Variants in CLEC4A observed in about 807,000 individuals in gnomAD.
CLEC4A encodes C-type (calcium dependent, carbohydrate-recognition domain) lectin, superfamily member 6.
Under a neutral mutation model 32.7 loss-of-function variants are expected in CLEC4A, and 27 were observed. That is an observed-to-expected ratio of 0.83 (90% confidence interval 0.61 to 1.14). The LOEUF is 1.14. Among genes scored for constraint, CLEC4A ranks in the 50% most tolerant of loss-of-function variants. The pLI, the probability that CLEC4A is intolerant of heterozygous loss-of-function variation, is 0.00. For missense variants in CLEC4A, 253 were observed against 274.6 expected (o/e 0.92, Z 0.55); for synonymous variants, 89 against 93.7 (o/e 0.95, Z 0.29).
At chr12:8,127,026 A>G (rs997033161) in intron 2 of CLEC4A, among the ~76,000 whole-genome samples, 3 of 152,244 alleles carry the variant, frequency 2.0e-5, no homozygotes, top group African/African-American at 7.2e-5. Context: ...TTAATAAGCC[A>G]ATCTAAAACT....
At chr12:8,134,974 T>TTTTTTTTTTTTGTA in intron 3 of CLEC4A, 1 of 199,916 alleles carries the variant, frequency 5.0e-6, no homozygotes, top group Non-Finnish European at 6.8e-6. Context: ...TGTTGAAGCG[T>TTTTTTTTTTTTGTA]TTTTGTTTTT....
the CLEC4A span, among the ~76,000 whole-genome samples, chr12:8,104,651 T>C: frequency 0.014 from 2,168 of 152,154 alleles, 59 homozygotes; most frequent in African/African-American, 0.049. Flanking sequence ...GTCATGGGGG[T>C]TGGATATACA....
At chr12:8,104,795 A>G in the CLEC4A span, among the ~76,000 whole-genome samples, 1 of 152,178 alleles carries the variant, frequency 6.6e-6, no homozygotes, top group Non-Finnish European at 1.5e-5. Context: ...TGCAATGTTT[A>G]GATCTCATTC....
rs771407867 is a variant in CLEC4A at position 8,134,879 on chromosome 12, G to C, written c.299-706G>C. The stretch of plus-strand genomic sequence containing the variant: ...GGAAGGAAGGCGCCCCAAGCATGGT[G>C]AAATCTTGGTTTTTCTTTATATCTT... On this transcript the variant is annotated intron_variant, in intron 3 of 5. Transcript: ENST00000229332. 4.0e-6 allele frequency: 6 copies of C among 1,497,780 alleles called. No homozygotes were observed. In the Admixed American group the frequency reaches 1.5e-4, roughly 38 times the overall value. 92.8% of individuals were successfully genotyped at this position (1,497,780 alleles called of 1,614,324 possible).
the CLEC4A span, among the ~76,000 whole-genome samples, chr12:8,117,909 C>T: frequency 1.3e-5 from 2 of 152,090 alleles, no homozygotes; most frequent in Admixed American, 6.5e-5. Flanking sequence ...TGAGGCAGGT[C>T]TCAATTGATT....
At chr12:8,137,535 TTACA>T (rs1948144566) in intron 5 of CLEC4A, among the ~76,000 whole-genome samples, 1 of 152,224 alleles carries the variant, frequency 6.6e-6, no homozygotes, top group Non-Finnish European at 1.5e-5. Context: ...ATTGCATAAA[TTACA>T]TACTTTACAT....
intron 2 of CLEC4A, 87 bp from the exon 3 acceptor site, chr12:8,129,177 T>C: frequency 1.2e-6 from 1 of 826,346 alleles, no homozygotes; most frequent in South Asian, 1.7e-5. Context: ...GTAAGTTTTA[T>C]TTCAATAAAG....
At chr12:8,134,787 G>A (rs1394865165) in intron 3 of CLEC4A, 10 of 1,552,350 alleles carry the variant, frequency 6.4e-6, no homozygotes, top group Admixed American at 2.0e-5. Flanking sequence ...CGGCCCCCCT[G>A]GCCCATCACC....
At chr12:8,135,453 C>G (rs934765645) in intron 3 of CLEC4A, 132 bp from the exon 4 acceptor site, 6 of 836,368 alleles carry the variant, frequency 7.2e-6, no homozygotes, top group African/African-American at 1.7e-5. Flanking sequence ...GGCAGGGGCT[C>G]CTGGTTGCAT....
chr12:8,125,156 G>C (rs545426237), intron 1 of CLEC4A, among the ~76,000 whole-genome samples: 2 of 151,856 alleles, frequency 1.3e-5, no homozygotes, highest in Non-Finnish European at 2.9e-5. Context: ...GAGTGTTAAA[G>C]AAGAAAATAT....
At chr12:8,136,596 T>C (rs915491795) in intron 4 of CLEC4A, among the ~76,000 whole-genome samples, 192 bp from the exon 5 acceptor site, 3 of 151,396 alleles carry the variant, frequency 2.0e-5, no homozygotes, top group Admixed American at 1.3e-4. Flanking sequence ...TCCTTCCGTA[T>C]GTACTGAACA....
chr12:8,131,217 A>T (rs982352849), intron 3 of CLEC4A, among the ~76,000 whole-genome samples: 2 of 152,210 alleles, frequency 1.3e-5, no homozygotes, highest in African/African-American at 2.4e-5. Context: ...CACTTGGTTA[A>T]GGTAGTGTTT....
the CLEC4A span, among the ~76,000 whole-genome samples, chr12:8,104,074 GT>G: frequency 6.6e-6 from 1 of 152,004 alleles, no homozygotes; most frequent in Non-Finnish European, 1.5e-5. Flanking sequence ...TAAGTTGAGT[GT>G]TTTCTGTATT....
the CLEC4A span, among the ~76,000 whole-genome samples, chr12:8,115,858 A>G: frequency 6.6e-6 from 1 of 152,008 alleles, no homozygotes; most frequent in Non-Finnish European, 1.5e-5. Context: ...ACACGATCAC[A>G]ACTCACTGCA....
At chr12:8,132,936 ACGAAGTCT>A (rs1948025653) in intron 3 of CLEC4A, among the ~76,000 whole-genome samples, 1 of 151,174 alleles carries the variant, frequency 6.6e-6, no homozygotes, top group African/African-American at 2.4e-5. Flanking sequence ...TGTTTTTCAG[ACGAAGTCT>A]CGCTCTGTTG....
In CLEC4A at chr12:8,129,290, CTT is replaced by C; in HGVS notation, c.227_228del (p.Leu76ArgfsTer38). ...VIFFQKYSQLLEKKTTKELVH... is the reference protein window; with the variant it reads ...VIFFQKYSQLXEKKTTKELVH... ...TTTCTTTCAAAAATATTCTCAGCTT[CTT>C]GAAAAAAAGACTACAAAAGAGCTGG... On this transcript the variant is annotated frameshift_variant, in exon 3 of 6. Coordinates refer to ENST00000229332, the MANE Select transcript of CLEC4A (RefSeq NM_016184.4). LOFTEE classifies it high-confidence loss of function. 6.2e-7 allele frequency: 1 copy of C among 1,603,870 alleles called. No individual in the cohort carries two copies. The highest frequency in any genetic ancestry group is 1.1e-5 in the South Asian group (1 of 88,466).
the CLEC4A span, among the ~76,000 whole-genome samples, chr12:8,110,186 A>G: frequency 6.6e-6 from 1 of 152,102 alleles, no homozygotes; most frequent in Non-Finnish European, 1.5e-5. Flanking sequence ...GTCTCACTCA[A>G]TCTTCACACA....
At chr12:8,138,061 C>A in intron 5 of CLEC4A, 79 bp from the exon 6 acceptor site, 3 of 1,459,164 alleles carry the variant, frequency 2.1e-6, no homozygotes, top group Non-Finnish European at 2.8e-6. Flanking sequence ...GAAATTCATC[C>A]CTCGCTCCTC....
At chr12:8,107,349 T>G in the CLEC4A span, among the ~76,000 whole-genome samples, 1 of 152,202 alleles carries the variant, frequency 6.6e-6, no homozygotes, top group Non-Finnish European at 1.5e-5. Context: ...TTATTCTGTC[T>G]CTGCCAGGTT....
Sources: gnomAD v4.1 joint callset for allele counts (sites outside exome capture counted in the v4.1 genomes callset) on GRCh38, gnomAD v4.1.1 for gene constraint, MANE v1.5 for transcripts, NCBI Gene and HGNC (gene_info 2026-07-23, HGNC 2026-07-21) for gene names.